XRCC4: variants seen among roughly 807,000 people sequenced by gnomAD.
XRCC4 encodes DNA repair protein XRCC4.
Under a neutral mutation model 39.1 loss-of-function variants are expected in XRCC4, and 28 were observed. That is an observed-to-expected ratio of 0.72 (90% CI 0.53 to 0.98). The LOEUF (loss-of-function observed/expected upper bound fraction) is 0.98. Among genes scored for constraint, XRCC4 ranks in the 50% least tolerant of loss-of-function variants. XRCC4 has a pLI of 0.00. For missense variants in XRCC4, 350 were observed against 376.4 expected (o/e 0.93, Z 0.58); for synonymous variants, 123 against 126.4 (o/e 0.97, Z 0.18).
chr5:83,232,526 G>T (rs1580401657), intron 6 of XRCC4, among the ~76,000 whole-genome samples: 1 of 151,998 alleles, frequency 6.6e-6, no homozygotes, highest in Admixed American at 6.6e-5. Flanking sequence ...TAGCTGTCTT[G>T]CAGTTTTCAG....
rs758691223 is a variant in XRCC4, at chr5:83,258,583, G to T, written c.799G>T (p.Ala267Ser). 1 of 1,610,486 alleles carries T rather than the reference G, an allele frequency of 6.2e-7. No individual in the cohort carries two copies. The highest frequency in any genetic ancestry group is 8.5e-7 in the Non-Finnish European group (1 of 1,178,910). ...TTCAAGTCTTGATGTCACTGATATTGCACCAAGTAGAAAAAGGAGACAGCG... is the reference window on the plus strand; with the variant it reads ...TTCAAGTCTTGATGTCACTGATATTTCACCAAGTAGAAAAAGGAGACAGCG... Reference protein sequence around the residue: ...IISSLDVTDIAPSRKRRQRMQ... With the variant: ...IISSLDVTDISPSRKRRQRMQ... Residue 267 changes from alanine (A) to serine (S), a missense_variant, in exon 7 of 8, where the codon GCA becomes TCA. Coordinates refer to ENST00000396027, the MANE Select transcript of XRCC4 (RefSeq NM_003401.5).
chr5:83,305,781 C>A (rs77371846), intron 7 of XRCC4, among the ~76,000 whole-genome samples: 2 of 152,142 alleles, frequency 1.3e-5, no homozygotes, highest in Non-Finnish European at 2.9e-5. Flanking sequence ...TACTCTCTGA[C>A]TGTAGCTAGA....
intron 3 of XRCC4, among the ~76,000 whole-genome samples, chr5:83,149,156 C>T (rs1440170721): frequency 6.6e-6 from 1 of 152,128 alleles, no homozygotes; most frequent in East Asian, 1.9e-4. Context: ...GTATCTGTAG[C>T]CACGCATAGA....
chr5:83,314,588 T>C (rs1332687842), intron 7 of XRCC4, among the ~76,000 whole-genome samples: 1 of 152,198 alleles, frequency 6.6e-6, no homozygotes, highest in Non-Finnish European at 1.5e-5. Flanking sequence ...ACAAGTGTGT[T>C]GGTGCCATTT....
chr5:83,212,093 C>T (rs1405561938), intron 6 of XRCC4, among the ~76,000 whole-genome samples: 1 of 151,652 alleles, frequency 6.6e-6, no homozygotes, highest in South Asian at 2.1e-4. Flanking sequence ...CACATACACA[C>T]ATATGTATGT....
At chr5:83,199,207 T>C (rs1409374205) in intron 4 of XRCC4, among the ~76,000 whole-genome samples, 23 of 152,148 alleles carry the variant, frequency 1.5e-4, no homozygotes, top group Admixed American at 1.5e-3. Context: ...TCAAGAGATA[T>C]CTTCATCTCC....
intron 7 of XRCC4, among the ~76,000 whole-genome samples, chr5:83,334,181 A>G (rs1458379921): frequency 6.6e-6 from 1 of 152,178 alleles, no homozygotes; most frequent in Non-Finnish European, 1.5e-5. Flanking sequence ...AGGAAAAATC[A>G]CATCATATCA....
chr5:83,241,955 AGAG>A (rs144761951), intron 6 of XRCC4, among the ~76,000 whole-genome samples: 27,903 of 148,368 alleles, frequency 0.19, 5,665 homozygotes, highest in African/African-American at 0.52. Context: ...AGGAGGAGGA[AGAG>A]GAGGAGGAGG....
chr5:83,163,320 T>A (rs1749309398), intron 3 of XRCC4, among the ~76,000 whole-genome samples: 1 of 152,150 alleles, frequency 6.6e-6, no homozygotes, highest in South Asian at 2.1e-4. Context: ...TCTGAATAAA[T>A]GAGAATTGAG....
At chr5:83,216,573 T>A (rs1482742292) in intron 6 of XRCC4, among the ~76,000 whole-genome samples, 3 of 152,220 alleles carry the variant, frequency 2.0e-5, no homozygotes, top group African/African-American at 7.2e-5. Context: ...AATGTTCATC[T>A]TCTGGTGAAA....
the XRCC4 span, among the ~76,000 whole-genome samples, chr5:83,361,833 G>C: frequency 6.6e-6 from 1 of 151,868 alleles, no homozygotes; most frequent in South Asian, 2.1e-4. Context: ...GGTTGGCCAG[G>C]CTGGTCAACT....
chr5:83,135,117 G>A (rs1453014465), intron 3 of XRCC4, among the ~76,000 whole-genome samples: 3 of 152,190 alleles, frequency 2.0e-5, no homozygotes, highest in African/African-American at 2.4e-5. Flanking sequence ...CACAGGTACC[G>A]TCTGTCATGG....
At chr5:83,326,590 C>T (rs1756269998) in intron 7 of XRCC4, among the ~76,000 whole-genome samples, 1 of 152,104 alleles carries the variant, frequency 6.6e-6, no homozygotes, top group East Asian at 1.9e-4. Context: ...ATGACATTTT[C>T]CAGGCTTTGA....
chr5:83,227,476 T>C (rs1418206039), intron 6 of XRCC4, among the ~76,000 whole-genome samples: 1 of 152,124 alleles, frequency 6.6e-6, no homozygotes, highest in Non-Finnish European at 1.5e-5. Context: ...AACAGGACTA[T>C]AATAAACTAT....
intron 1 of XRCC4, among the ~76,000 whole-genome samples, chr5:83,103,009 G>GAGATATATATATATATATATAT (rs1554054063): frequency 1.0e-4 from 11 of 106,460 alleles, no homozygotes; most frequent in African/African-American, 1.6e-4. Flanking sequence ...AGATAGAGCT[G>GAGATATATATATATATATATAT]ATATATATAT....
intron 3 of XRCC4, among the ~76,000 whole-genome samples, chr5:83,159,618 C>T (rs757684222): frequency 9.2e-5 from 14 of 152,132 alleles, no homozygotes; most frequent in South Asian, 2.1e-4. Context: ...TCTTCTTATA[C>T]GGAAAATATC....
chr5:83,235,803 T>C (rs1423953795), intron 6 of XRCC4, among the ~76,000 whole-genome samples: 3 of 152,184 alleles, frequency 2.0e-5, no homozygotes, highest in Non-Finnish European at 4.4e-5. Context: ...GCATGAGATA[T>C]GATTTTATAT....
chr5:83,214,604 G>A (rs1251429390), intron 6 of XRCC4, among the ~76,000 whole-genome samples: 1 of 151,890 alleles, frequency 6.6e-6, no homozygotes, highest in Non-Finnish European at 1.5e-5. Context: ...AGGCCGAGGT[G>A]GGCAGATCAC....
In XRCC4 at chr5:83,116,976, A is replaced by T. The variant is rs1022183251; in HGVS notation, c.315+5773A>T. 1.8e-4 allele frequency among the ~76,000 whole-genome samples: 28 copies of T among 152,184 alleles called. No individual in the cohort carries two copies. In the South Asian group the frequency reaches 1.9e-3, roughly 10 times the overall value. ...ATTTAAAATTTTTAGCTTGTTTGTC[A>T]ATATTTATACTCATGTTTTGGGAGC... On this transcript the variant is annotated intron_variant, in intron 3 of 7. Coordinates refer to ENST00000396027, the MANE Select transcript of XRCC4 (RefSeq NM_003401.5).
Sources: allele counts gnomAD v4.1 joint callset (sites outside exome capture counted in the v4.1 genomes callset), GRCh38; gene constraint gnomAD v4.1.1; transcripts MANE v1.5; gene names NCBI Gene and HGNC (gene_info 2026-07-23, HGNC 2026-07-21).